The following PRDM10 variants were observed in gnomAD, a reference collection of about 807,000 sequenced individuals.
PRDM10 encodes PR domain zinc finger protein 10.
Under a neutral mutation model 133.1 loss-of-function variants are expected in PRDM10, and 65 were observed. The observed-to-expected ratio is 0.49, with a 90% CI of 0.40 to 0.60. The LOEUF (loss-of-function observed/expected upper bound fraction) is 0.60, where lower values mean the gene tolerates loss of function less well. Ranked by LOEUF, PRDM10 falls within the 20% of genes least tolerant of loss-of-function variation. PRDM10 has a pLI of 0.00. For missense variants in PRDM10, 1,137 were observed against 1,507.1 expected (o/e 0.75, Z 4.07); for synonymous variants, 582 against 580.4 (o/e 1.00, Z -0.04).
intron 1 of PRDM10, among the ~76,000 whole-genome samples, chr11:129,978,391 T>C (rs1266360991): frequency 6.6e-6 from 1 of 152,228 alleles, no homozygotes; most frequent in African/African-American, 2.4e-5. Flanking sequence ...GCTTCTGATA[T>C]GAGACTGAGC....
chr11:129,911,820 T>C (rs538752039), intron 18 of PRDM10, among the ~76,000 whole-genome samples: 2 of 152,336 alleles, frequency 1.3e-5, no homozygotes, highest in East Asian at 3.9e-4. Flanking sequence ...CACTTAGCCA[T>C]TGCATTTAGA....
chr11:129,993,619 G>C (rs773045138), intron 1 of PRDM10, among the ~76,000 whole-genome samples: 65 of 151,270 alleles, frequency 4.3e-4, no homozygotes, highest in Admixed American at 1.1e-3. Flanking sequence ...CGAGTAGCTG[G>C]AACTACAGGC....
rs371911219 is a variant in PRDM10, at chr11:129,912,098, G to C, written c.2969C>G (p.Pro990Arg). 1.2e-5 allele frequency: 20 copies of C among 1,609,200 alleles called. No homozygotes were observed. The African/African-American group carries it at 1.9e-4, about 15-fold the overall frequency. ...GGAGCAGGGTACCTGGGCGGAGGAC[G>C]GGGCCGAGGCGGTAGGCTCGCTGAC... ...IQVSEPTASA[P>R]SSAQVSGQPL... The change falls in exon 18 of 21, where the codon CCG (proline) becomes CGG (arginine). Residue 990 changes from proline to arginine, a missense_variant. Physicochemically the swap from Pro to Arg is moderately radical, Grantham distance 103. This residue lies in a region of PRDM10 where 243 missense variants were observed against 259.2 expected (regional missense o/e 0.94). Coordinates refer to ENST00000360871, the MANE Select transcript of PRDM10 (RefSeq NM_199437.2).
chr11:129,913,085 T>C (rs1453961200), intron 17 of PRDM10, among the ~76,000 whole-genome samples: 2 of 148,798 alleles, frequency 1.3e-5, no homozygotes, highest in African/African-American at 5.0e-5. Flanking sequence ...CCAGGCATGG[T>C]GGCATGCCTG....
At chr11:129,926,171 T>C (rs1348233182) in intron 11 of PRDM10, among the ~76,000 whole-genome samples, 1 of 152,236 alleles carries the variant, frequency 6.6e-6, no homozygotes, top group African/African-American at 2.4e-5. Flanking sequence ...TGATTGGCCA[T>C]CTTGTAAATT....
intron 8 of PRDM10, among the ~76,000 whole-genome samples, chr11:129,935,764 C>T (rs1018493159): frequency 6.6e-6 from 1 of 152,230 alleles, no homozygotes; most frequent in African/African-American, 2.4e-5. Context: ...ATGCTCACAG[C>T]AGCACTCTTC....
intron 13 of PRDM10, among the ~76,000 whole-genome samples, chr11:129,919,305 T>G (rs1696485541): frequency 1.3e-5 from 2 of 152,280 alleles, no homozygotes; most frequent in South Asian, 4.2e-4. Context: ...AGGTGGAGGC[T>G]GCACTGAGTT....
chr11:129,991,804 C>T (rs1040237755), intron 1 of PRDM10, among the ~76,000 whole-genome samples: 9 of 135,424 alleles, frequency 6.6e-5, no homozygotes, highest in Non-Finnish European at 1.2e-4. Context: ...AGTGACAGAG[C>T]GAGACTCCAT....
At chr11:129,992,657 A>T (rs12796797) in intron 1 of PRDM10, among the ~76,000 whole-genome samples, 11,311 of 152,242 alleles carry the variant, frequency 0.074, 858 homozygotes, top group East Asian at 0.43. Flanking sequence ...TAACTGAGCA[A>T]ATTACTCAAC....
At chr11:129,929,557 G>GAAAA in intron 11 of PRDM10, 1 of 731,712 alleles carries the variant, frequency 1.4e-6, no homozygotes, top group Non-Finnish European at 2.1e-6. Context: ...GAATGTGTGA[G>GAAAA]AGAAAAAAAA....
Position 129,948,584 on chromosome 11 carries a change from A to G in PRDM10, c.295-1214T>C, listed in dbSNP as rs541715129. On this transcript the variant is annotated intron_variant, in intron 4 of 20. Coordinates refer to ENST00000360871, the MANE Select transcript of PRDM10 (RefSeq NM_199437.2). ...ACCAGGCAGCCTGAATCATTCTGAAATAGTTCTATGACAATTTCTGTGGAG... is the reference window on the plus strand; with the variant it reads ...ACCAGGCAGCCTGAATCATTCTGAAGTAGTTCTATGACAATTTCTGTGGAG... 3.3e-5 allele frequency among the ~76,000 whole-genome samples: 5 copies of G among 152,298 alleles called. No individual in the cohort carries two copies. The South Asian group carries it at 1.0e-3, about 32-fold the overall frequency.
chr11:129,963,393 AGAGAAGAGAAG>A (rs1591667800), intron 1 of PRDM10, among the ~76,000 whole-genome samples: 2 of 114,432 alleles, frequency 1.7e-5, no homozygotes, highest in East Asian at 1.1e-3. Flanking sequence ...AGAGAAGAGA[AGAGAAGAGAAG>A]AGAAGAGAAG....
chr11:129,988,804 T>C (rs962701086), intron 1 of PRDM10, among the ~76,000 whole-genome samples: 1 of 152,102 alleles, frequency 6.6e-6, no homozygotes, highest in African/African-American at 2.4e-5. Context: ...TAATTTTTCG[T>C]ATTTTTAACA....
intron 1 of PRDM10, among the ~76,000 whole-genome samples, chr11:129,997,161 T>C (rs905807705): frequency 1.3e-5 from 2 of 152,314 alleles, no homozygotes; most frequent in African/African-American, 2.4e-5. Flanking sequence ...GTGTAGGTTA[T>C]GTTTCTCCAA....
chr11:129,932,339 T>C, intron 9 of PRDM10, 108 bp from the exon 10 acceptor site: 1 of 1,351,886 alleles, frequency 7.4e-7, no homozygotes, highest in Non-Finnish European at 9.9e-7. Flanking sequence ...CCTCTCACCT[T>C]ATTACTTTCC....
Position 129,914,728 on chromosome 11 carries a change from CT to C in PRDM10, c.2816del (p.Gln939ArgfsTer62). 1 of 1,614,244 alleles carries C rather than the reference CT, an allele frequency of 6.2e-7. No homozygotes were observed. The highest frequency in any genetic ancestry group is 8.5e-7 in the Non-Finnish European group (1 of 1,180,050). On this transcript the variant is annotated frameshift_variant, in exon 17 of 21. Transcript: ENST00000360871. LOFTEE classifies it high-confidence loss of function. ...CCGAGGCCACTTGAACCACTTGCAG[CT>C]GTATGTGCTGAGGCTGCTGGAGGCC... The part of the protein sequence containing the change: ...ASGLQQPQHI[Q>X]LQVVQVASAT...
rs755830393 is a variant in PRDM10 at position 129,918,622 on chromosome 11, GCTTGAACGT to G, written c.2122_2130del (p.Thr708_Lys710del). On this transcript the variant is annotated inframe_deletion, in exon 14 of 21. Transcript: ENST00000360871. This position sits in a 1 kb window ranked among gnomAD's most constrained non-coding sequence, Gnocchi z 5.3. Reference sequence around the variant, plus strand: ...TCGTAGTCTGTGGACGTGATGCGGGGCTTGAACGTCTTGGAGCGGCTGATGCGGTCGGCT... The same window carrying G: ...TCGTAGTCTGTGGACGTGATGCGGGGCTTGGAGCGGCTGATGCGGTCGGCT... 6.2e-7 allele frequency: 1 copy of G among 1,614,222 alleles called. No individual in the cohort carries two copies. The highest frequency in any genetic ancestry group is 8.5e-7 in the Non-Finnish European group (1 of 1,180,030).
rs1468779364 is a variant in PRDM10 at position 129,947,469 on chromosome 11, ATC to A, written c.295-101_295-100del. ...AAACAGGGCGCAAGGGCTGGCTGAA[ATC>A]TAGTCTTCCTACCAACTCCTTCCAG... is the stretch of plus-strand genomic sequence containing the variant. On this transcript the variant is annotated intron_variant, in intron 4 of 20. Coordinates refer to ENST00000360871, the MANE Select transcript of PRDM10 (RefSeq NM_199437.2). This position sits in a 1 kb window ranked among gnomAD's most constrained non-coding sequence, Gnocchi z 4.6. 6 of 1,568,616 alleles carry A rather than the reference ATC, an allele frequency of 3.8e-6. No homozygotes were observed. The East Asian group carries it at 1.4e-4, about 35-fold the overall frequency.
chr11:129,980,866 T>G (rs1024901109), intron 1 of PRDM10, among the ~76,000 whole-genome samples: 6 of 138,892 alleles, frequency 4.3e-5, no homozygotes, highest in African/African-American at 1.7e-4. Context: ...TTCTGGTTTT[T>G]TTTTTTTTTT....
Sources: allele counts gnomAD v4.1 joint callset (sites outside exome capture counted in the v4.1 genomes callset), GRCh38; gene constraint gnomAD v4.1.1; regional missense constraint gnomAD v4.1.1; non-coding constraint Gnocchi (gnomAD v3.1); transcripts MANE v1.5; gene names NCBI Gene and HGNC (gene_info 2026-07-23, HGNC 2026-07-21).